Variants in LHCGR observed in about 807,000 individuals in gnomAD.
LHCGR encodes lutropin-choriogonadotropic hormone receptor.
A neutral mutation model predicts 60.7 loss-of-function variants in LHCGR; 55 were observed. That is an observed-to-expected ratio of 0.91 (90% CI 0.73 to 1.13). LHCGR has a LOEUF of 1.13. Ranked by LOEUF, LHCGR falls within the 50% of genes most tolerant of loss-of-function variation. The pLI is 0.00. For synonymous variants in LHCGR, 337 were observed against 316.5 expected, an observed-to-expected ratio of 1.06 and a Z score of -0.69; for missense variants, 862 against 836.0, an observed-to-expected ratio of 1.03 and a Z score of -0.38.
At chr2:48,755,468 G>T in intron 1 of LHCGR, 43 bp downstream of exon 1, 2 of 1,255,232 alleles carry the variant, frequency 1.6e-6, no homozygotes, top group South Asian at 1.3e-5. Flanking sequence ...GCGATGGAGG[G>T]TCCTGCATCA....
chr2:48,749,876 T>G (rs528155024), intron 1 of LHCGR, among the ~76,000 whole-genome samples: 50 of 152,342 alleles, frequency 3.3e-4, no homozygotes, highest in Non-Finnish European at 5.1e-4. Flanking sequence ...AGTGTCTTGC[T>G]AGGGGCTATC....
Position 48,687,511 on chromosome 2 carries a change from G to C in LHCGR, c.*186C>G. The C allele has an allele frequency of 1.8e-6, 1 of 548,516 alleles. No individual in the cohort carries two copies. Among genetic ancestry groups the C allele is most frequent in the Non-Finnish European group, 3.2e-6 (1 of 311,442 alleles). 34.0% of individuals were successfully genotyped at this position (548,516 alleles called of 1,614,324 possible). A position where few individuals can be genotyped will look rare whatever the true frequency, so the allele number is the denominator to read the frequency against. On this transcript the variant is annotated 3_prime_UTR_variant, in exon 11 of 11. Coordinates refer to ENST00000294954, the MANE Select transcript of LHCGR (RefSeq NM_000233.4). ...TTCAGTATTTATGCCATGTAACAAT[G>C]ACAAATAGTTTTTAGTGTGGCAGTG...
intron 7 of LHCGR, among the ~76,000 whole-genome samples, chr2:48,709,950 G>A (rs901948679): frequency 6.6e-6 from 1 of 152,150 alleles, no homozygotes; most frequent in Admixed American, 6.5e-5. Context: ...CAGAGCATCT[G>A]GAAAACCGTG....
chr2:48,741,504 T>C (rs1200484833), intron 1 of LHCGR, among the ~76,000 whole-genome samples: 3 of 151,960 alleles, frequency 2.0e-5, no homozygotes, highest in South Asian at 2.1e-4. Flanking sequence ...CGGCAGAAAC[T>C]CTACAAGCCA....
intron 4 of LHCGR, 96 bp from the exon 5 acceptor site, chr2:48,723,792 G>T (rs944347251): frequency 2.2e-6 from 2 of 900,816 alleles, no homozygotes; most frequent in South Asian, 1.4e-5. Context: ...AAGGCATTTT[G>T]CAAATACAAC....
chr2:48,719,631 T>C (rs1668417295), intron 6 of LHCGR, among the ~76,000 whole-genome samples: 1 of 152,182 alleles, frequency 6.6e-6, no homozygotes, highest in African/African-American at 2.4e-5. Flanking sequence ...CCAAAGTGGC[T>C]ATAAAGGGAC....
At chr2:48,729,108 G>A (rs377587970) in intron 3 of LHCGR, 45 bp downstream of exon 3, 1 of 1,395,832 alleles carries the variant, frequency 7.2e-7, no homozygotes, top group East Asian at 2.3e-5. Flanking sequence ...CAGCCAGTGA[G>A]GGTAATAGTG....
In LHCGR at chr2:48,755,510, C is replaced by G; in HGVS notation, c.161+1G>C. ...CCGCGACGGGAGCGCTGTGTACTCA[C>G]AGTCGAGTGAGACCGGCCGTGGGGC... On this transcript the variant is annotated splice_donor_variant, in intron 1 of 10. Transcript: ENST00000294954. LOFTEE classifies it high-confidence loss of function. 6.5e-7 allele frequency: 1 copy of G among 1,538,426 alleles called. No homozygotes were observed. The highest frequency in any genetic ancestry group is 1.4e-5 in the African/African-American group (1 of 72,832).
intron 7 of LHCGR, among the ~76,000 whole-genome samples, chr2:48,711,766 A>G (rs1317880936): frequency 1.3e-5 from 2 of 152,164 alleles, no homozygotes. Context: ...GACCTCAGCC[A>G]CACAGGACTT....
chr2:48,755,342 C>T (rs1370959987), intron 1 of LHCGR, among the ~76,000 whole-genome samples, 169 bp downstream of exon 1: 1 of 152,098 alleles, frequency 6.6e-6, no homozygotes, highest in African/African-American at 2.4e-5. Context: ...AAACAACCAC[C>T]AAGTTTTGGG....
intron 1 of LHCGR, among the ~76,000 whole-genome samples, chr2:48,743,679 T>C (rs1279234043): frequency 3.3e-5 from 5 of 152,180 alleles, no homozygotes; most frequent in Non-Finnish European, 7.3e-5. Flanking sequence ...AATTAGGTAT[T>C]GATGGGACGT....
At chr2:48,699,568 C>G (rs1287742825) in intron 8 of LHCGR, among the ~76,000 whole-genome samples, 2 of 152,210 alleles carry the variant, frequency 1.3e-5, no homozygotes, top group Non-Finnish European at 2.9e-5. Context: ...TTAAGCCCTG[C>G]AGGAGAGGTT....
At chr2:48,729,848 A>G (rs1267212943) in intron 2 of LHCGR, among the ~76,000 whole-genome samples, 1 of 152,244 alleles carries the variant, frequency 6.6e-6, no homozygotes, top group Non-Finnish European at 1.5e-5. Flanking sequence ...AGTATATTCT[A>G]TTCACTTCTG....
intron 1 of LHCGR, among the ~76,000 whole-genome samples, chr2:48,753,805 A>AGTGTGTGTGTGTGT (rs70946826): frequency 6.7e-6 from 1 of 149,812 alleles, no homozygotes; most frequent in Admixed American, 6.7e-5. Flanking sequence ...GGAGAAACTG[A>AGTGTGTGTGTGTGT]GTGTGTGTGT....
At chr2:48,710,418 GATTA>G (rs1667921858) in intron 7 of LHCGR, among the ~76,000 whole-genome samples, 1 of 152,194 alleles carries the variant, frequency 6.6e-6, no homozygotes. Flanking sequence ...AGCCCAGTCA[GATTA>G]ATTGTTCAAA....
chr2:48,719,070 C>T (rs1372390451), intron 6 of LHCGR, among the ~76,000 whole-genome samples: 2 of 152,196 alleles, frequency 1.3e-5, no homozygotes, highest in Non-Finnish European at 2.9e-5. Flanking sequence ...CGCCTGTAAT[C>T]CCAGCACTTT....
chr2:48,747,002 C>T (rs191813871), intron 1 of LHCGR, among the ~76,000 whole-genome samples: 73 of 152,300 alleles, frequency 4.8e-4, no homozygotes, highest in African/African-American at 1.7e-3. Flanking sequence ...TCTTTCCCAA[C>T]ACTTAAAAAC....
chr2:48,747,250 G>A (rs1669750108), intron 1 of LHCGR, among the ~76,000 whole-genome samples: 1 of 151,916 alleles, frequency 6.6e-6, no homozygotes, highest in Non-Finnish European at 1.5e-5. Context: ...CACCATGCCT[G>A]GCTAATTTTT....
chr2:48,738,725 A>G (rs1360078292), intron 1 of LHCGR, among the ~76,000 whole-genome samples: 1 of 152,262 alleles, frequency 6.6e-6, no homozygotes, highest in East Asian at 1.9e-4. Flanking sequence ...AGCTGTAAGT[A>G]TAAAATGCAT....
Sources: gnomAD v4.1 joint callset for allele counts (sites outside exome capture counted in the v4.1 genomes callset) on GRCh38, gnomAD v4.1.1 for gene constraint, MANE v1.5 for transcripts, NCBI Gene and HGNC (gene_info 2026-07-23, HGNC 2026-07-21) for gene names.